The following NEBL variants were observed in gnomAD, a reference collection of about 807,000 sequenced individuals.
NEBL encodes the protein nebulette.
A neutral mutation model predicts 140.2 loss-of-function variants in NEBL; 122 were observed. That is an observed-to-expected ratio of 0.87 (90% CI 0.75 to 1.01). The LOEUF (loss-of-function observed/expected upper bound fraction) is 1.01. NEBL is among the 50% of genes least tolerant of loss of function. The pLI is 0.00. For missense variants in NEBL, 1,365 were observed against 1,231.3 expected, an observed-to-expected ratio of 1.11 and a Z score of -1.62; for synonymous variants, 436 against 398.9, an observed-to-expected ratio of 1.09 and a Z score of -1.11.
At chr10:21,272,991 C>G (rs553989099) in intron 1 of NEBL, among the ~76,000 whole-genome samples, 1 of 152,122 alleles carries the variant, frequency 6.6e-6, no homozygotes, top group African/African-American at 2.4e-5. Flanking sequence ...TGCCACCCCG[C>G]CCCAACCAAA....
At chr10:20,937,638 A>T (rs2131554280) in intron 4 of NEBL, among the ~76,000 whole-genome samples, 1 of 152,278 alleles carries the variant, frequency 6.6e-6, no homozygotes, top group South Asian at 2.1e-4. Flanking sequence ...AAGCAGGGTG[A>T]GGCATCGCCT....
intron 2 of NEBL, among the ~76,000 whole-genome samples, chr10:21,055,672 T>C (rs1229060167): frequency 6.6e-6 from 1 of 152,168 alleles, no homozygotes; most frequent in African/African-American, 2.4e-5. Flanking sequence ...AATTAATATC[T>C]GTAAAGTGTT....
At chr10:20,941,977 T>C (rs1834894590) in intron 4 of NEBL, among the ~76,000 whole-genome samples, 1 of 151,984 alleles carries the variant, frequency 6.6e-6, no homozygotes, top group Non-Finnish European at 1.5e-5. Flanking sequence ...TGCTCATGGG[T>C]AGGAAGAATC....
chr10:21,074,454 C>T (rs1208716496), intron 2 of NEBL, among the ~76,000 whole-genome samples: 1 of 151,632 alleles, frequency 6.6e-6, no homozygotes, highest in African/African-American at 2.4e-5. Context: ...AAATGCTGCT[C>T]CTCATTGAAC....
chr10:21,028,890 C>T (rs1486333726), intron 2 of NEBL: 2 of 401,924 alleles, frequency 5.0e-6, no homozygotes, highest in Non-Finnish European at 8.8e-6. Context: ...CAATACTTGC[C>T]AGCTAAAAGA....
intron 26 of NEBL, among the ~76,000 whole-genome samples, chr10:20,792,266 C>G (rs1481362744): frequency 6.6e-6 from 1 of 152,022 alleles, no homozygotes; most frequent in Non-Finnish European, 1.5e-5. Flanking sequence ...GAGAAAATCA[C>G]CATTCAGAAA....
At position 21,046,839 on chromosome 10, in the gene NEBL, T is replaced by C. The variant is rs1228675127; in HGVS notation, c.165-26638A>G. On this transcript the variant is annotated intron_variant, in intron 2 of 6. Transcript: ENST00000417816. ...GGATCGTCTGGATCTCCTGACCTGG[T>C]GATCCGCCTGCCTCAGCCTCCCAGA... Among the ~76,000 whole-genome samples the C allele has an allele frequency of 2.0e-5, 3 of 152,274 alleles. No individual in the cohort carries two copies. In the East Asian group the frequency reaches 5.8e-4, roughly 29 times the overall value.
chr10:21,289,196 T>C (rs1310127922), intron 1 of NEBL, among the ~76,000 whole-genome samples: 1 of 151,796 alleles, frequency 6.6e-6, no homozygotes, highest in Non-Finnish European at 1.5e-5. Flanking sequence ...GCCCGGTTGT[T>C]CCCAAACTGG....
intron 3 of NEBL, among the ~76,000 whole-genome samples, chr10:20,984,080 A>C (rs1005711309): frequency 6.6e-6 from 1 of 151,932 alleles, no homozygotes; most frequent in Non-Finnish European, 1.5e-5. Flanking sequence ...TTTAATAATG[A>C]AGTTTTGCAG....
intron 2 of NEBL, among the ~76,000 whole-genome samples, chr10:21,140,805 A>C (rs1839592887): frequency 6.6e-6 from 1 of 152,098 alleles, no homozygotes; most frequent in Admixed American, 6.5e-5. Context: ...GTGGAGGGCA[A>C]GGGGAGGGAG....
intron 4 of NEBL, among the ~76,000 whole-genome samples, chr10:20,942,916 G>C (rs1193542639): frequency 6.6e-6 from 1 of 152,110 alleles, no homozygotes; most frequent in East Asian, 1.9e-4. Context: ...TTAGAATGGC[G>C]ATCAGTAAAA....
intron 26 of NEBL, among the ~76,000 whole-genome samples, chr10:20,789,462 C>T (rs954158492): frequency 8.5e-5 from 13 of 152,116 alleles, no homozygotes; most frequent in Admixed American, 3.9e-4. Context: ...TTTAGGTTCA[C>T]CTAGTTTATA....
chr10:20,831,681 A>G (rs930030798), intron 14 of NEBL, 98 bp from the exon 15 acceptor site: 1 of 760,360 alleles, frequency 1.3e-6, no homozygotes, highest in African/African-American at 1.7e-5. Context: ...TGTCTTTTGG[A>G]ATGAAGTTGA....
intron 4 of NEBL, among the ~76,000 whole-genome samples, chr10:20,925,031 T>TA (rs1370756038): frequency 4.6e-5 from 7 of 150,666 alleles, no homozygotes; most frequent in South Asian, 2.1e-4. Flanking sequence ...ACTAGCATAT[T>TA]AAAAAAAAAT....
At chr10:21,017,676 CACTA>C (rs1838609614) in intron 3 of NEBL, among the ~76,000 whole-genome samples, 1 of 152,156 alleles carries the variant, frequency 6.6e-6, no homozygotes, top group Non-Finnish European at 1.5e-5. Flanking sequence ...CATCTATAAC[CACTA>C]ACTGAGCCCA....
intron 3 of NEBL, among the ~76,000 whole-genome samples, chr10:20,994,926 A>C (rs574242663): frequency 3.9e-5 from 6 of 151,964 alleles, no homozygotes; most frequent in Non-Finnish European, 7.4e-5. Flanking sequence ...GCAGAGAGGG[A>C]AGAAAATCCA....
chr10:21,266,669 C>A (rs566758130), intron 1 of NEBL, among the ~76,000 whole-genome samples: 4 of 152,218 alleles, frequency 2.6e-5, no homozygotes, highest in Non-Finnish European at 2.9e-5. Context: ...TTTTCAGATG[C>A]CTGTGTCTCT....
At chr10:20,963,545 T>C (rs1011039948) in intron 3 of NEBL, among the ~76,000 whole-genome samples, 1 of 152,106 alleles carries the variant, frequency 6.6e-6, no homozygotes, top group Admixed American at 6.5e-5. Flanking sequence ...TCTAGAATCA[T>C]AGGTATTTTT....
chr10:20,908,505 C>T (rs1316610839), intron 4 of NEBL, among the ~76,000 whole-genome samples: 3 of 152,094 alleles, frequency 2.0e-5, no homozygotes, highest in Non-Finnish European at 4.4e-5. Flanking sequence ...TTATGAGGAT[C>T]CTTGATCTAG....
Sources: gnomAD v4.1 joint callset for allele counts (sites outside exome capture counted in the v4.1 genomes callset) on GRCh38, gnomAD v4.1.1 for gene constraint, MANE v1.5 for transcripts, NCBI Gene and HGNC (gene_info 2026-07-23, HGNC 2026-07-21) for gene names.